The following SLCO1B1 variants were observed in gnomAD, a reference collection of about 807,000 sequenced individuals.
SLCO1B1 encodes solute carrier organic anion transporter family member 1B1, also known as OATP-2.
SLCO1B1 carries 81 observed loss-of-function variants against 70.1 expected under a neutral mutation model. The ratio of observed to expected loss-of-function variants is 1.16; its 90% CI spans 0.97 to 1.39. SLCO1B1 has a LOEUF of 1.39. Among genes scored for constraint, SLCO1B1 ranks in the 40% most tolerant of loss-of-function variants. SLCO1B1 has a pLI of 0.00. For synonymous variants in SLCO1B1, 283 were observed against 271.5 expected (o/e 1.04, Z -0.42); for missense variants, 895 against 799.6 (o/e 1.12, Z -1.44).
intron 2 of SLCO1B1, among the ~76,000 whole-genome samples, chr12:21,172,012 G>T (rs1268777760): frequency 1.3e-5 from 2 of 152,110 alleles, no homozygotes; most frequent in African/African-American, 4.8e-5. Context: ...TGAGGTAGGG[G>T]ATATAAAGAT....
chr12:21,178,352 A>G (rs1329858047), intron 5 of SLCO1B1, among the ~76,000 whole-genome samples: 1 of 152,016 alleles, frequency 6.6e-6, no homozygotes, highest in Non-Finnish European at 1.5e-5. Flanking sequence ...AGTCCATTAG[A>G]CCCTTTTCCT....
At chr12:21,152,236 A>G (rs151309524) in intron 2 of SLCO1B1, among the ~76,000 whole-genome samples, 1 of 151,866 alleles carries the variant, frequency 6.6e-6, no homozygotes, top group East Asian at 1.9e-4. Context: ...TTTTTAATGA[A>G]ATTTTTATCT....
chr12:21,218,560 A>G (rs1465701921), intron 12 of SLCO1B1, among the ~76,000 whole-genome samples: 1 of 152,186 alleles, frequency 6.6e-6, no homozygotes, highest in Non-Finnish European at 1.5e-5. Flanking sequence ...AATCTTATCA[A>G]ATTATTTATA....
intron 7 of SLCO1B1, among the ~76,000 whole-genome samples, chr12:21,187,799 G>A (rs1332394746): frequency 1.3e-5 from 2 of 152,122 alleles, no homozygotes; most frequent in East Asian, 3.8e-4. Context: ...AGAGATTATG[G>A]ATATGGAAGA....
intron 11 of SLCO1B1, among the ~76,000 whole-genome samples, chr12:21,208,915 G>A (rs1384399676): frequency 1.3e-5 from 2 of 151,714 alleles, no homozygotes; most frequent in Non-Finnish European, 2.9e-5. Flanking sequence ...ATTGATTTGG[G>A]TATCAGTTTA....
intron 14 of SLCO1B1, among the ~76,000 whole-genome samples, chr12:21,234,508 C>G (rs2121209592): frequency 6.6e-6 from 1 of 152,214 alleles, no homozygotes; most frequent in East Asian, 1.9e-4. Context: ...CTGTTACTGT[C>G]TTGGTTTTAA....
At chr12:21,223,381 C>A (rs899143916) in intron 13 of SLCO1B1, among the ~76,000 whole-genome samples, 3 of 152,044 alleles carry the variant, frequency 2.0e-5, no homozygotes, top group African/African-American at 7.2e-5. Context: ...CTGAAAAAGT[C>A]ATTTAGAAAA....
chr12:21,214,478 G>C (rs1941331721), intron 11 of SLCO1B1, among the ~76,000 whole-genome samples: 1 of 149,828 alleles, frequency 6.7e-6, no homozygotes, highest in South Asian at 2.1e-4. Context: ...TGTCAGACAG[G>C]GACATTTAAG....
chr12:21,229,138 C>A (rs949703887), intron 14 of SLCO1B1, among the ~76,000 whole-genome samples: 2 of 152,046 alleles, frequency 1.3e-5, no homozygotes, highest in Non-Finnish European at 2.9e-5. Flanking sequence ...ACAGAGATTT[C>A]CCACATACCA....
At chr12:21,141,815 A>C (rs1039699476) in intron 2 of SLCO1B1, among the ~76,000 whole-genome samples, 157 bp downstream of exon 2, 1 of 151,960 alleles carries the variant, frequency 6.6e-6, no homozygotes, top group East Asian at 1.9e-4. Context: ...CCTTGATTTA[A>C]ACCAGTCTTT....
chr12:21,215,081 C>T (rs58258204), intron 11 of SLCO1B1, among the ~76,000 whole-genome samples: 28,149 of 152,134 alleles, frequency 0.19, 2,959 homozygotes, highest in East Asian at 0.45. Context: ...GCCATCTTGG[C>T]TCCTCCAACC....
chr12:21,186,557 C>A (rs61005542), intron 7 of SLCO1B1, among the ~76,000 whole-genome samples: 9,351 of 151,940 alleles, frequency 0.062, 558 homozygotes, highest in East Asian at 0.33. Flanking sequence ...TGAGAAAAGT[C>A]ACGACATTAC....
At chr12:21,167,447 G>A (rs1178409127) in intron 2 of SLCO1B1, among the ~76,000 whole-genome samples, 1 of 152,106 alleles carries the variant, frequency 6.6e-6, no homozygotes, top group Admixed American at 6.5e-5. Flanking sequence ...TGAAAATGTT[G>A]TGGAACTCTT....
At chr12:21,145,146 C>G (rs576875338) in intron 2 of SLCO1B1, among the ~76,000 whole-genome samples, 1 of 152,140 alleles carries the variant, frequency 6.6e-6, no homozygotes, top group Admixed American at 6.5e-5. Context: ...AAGACCCAAC[C>G]GTTTTGTTGT....
At chr12:21,222,397 A>AATATATATATATATAT (rs751514211) in intron 13 of SLCO1B1, 33 bp downstream of exon 13, 27 of 97,722 alleles carry the variant, frequency 2.8e-4, no homozygotes, top group Non-Finnish European at 3.7e-4. Context: ...AAAAAAAAAA[A>AATATATATATATATAT]ATATATATAT....
chr12:21,225,821 T>C (rs1941476720), intron 14 of SLCO1B1, among the ~76,000 whole-genome samples: 1 of 152,174 alleles, frequency 6.6e-6, no homozygotes, highest in Non-Finnish European at 1.5e-5. Context: ...AGTACAGCCA[T>C]GGTAGAAGAC....
intron 1 of SLCO1B1, among the ~76,000 whole-genome samples, chr12:21,134,750 G>T (rs1940193116): frequency 6.6e-6 from 1 of 151,992 alleles, no homozygotes; most frequent in African/African-American, 2.4e-5. Flanking sequence ...CTTGCTAGTG[G>T]TCTATCAATT....
At position 21,172,755 on chromosome 12, in the gene SLCO1B1, T is replaced by C; in HGVS notation, c.190T>C (p.Ser64Pro). The C allele has an allele frequency of 6.2e-7, 1 of 1,613,548 alleles. No individual in the cohort carries two copies. Among genetic ancestry groups the C allele is most frequent in the Non-Finnish European group, 8.5e-7 (1 of 1,179,770 alleles). The change falls in exon 3 of 15, where the codon TCT (serine) becomes CCT (proline). Residue 64 changes from serine (S) to proline (P), a missense_variant. Ser to Pro is a moderately conservative substitution (Grantham distance 74). Coordinates refer to ENST00000256958, the MANE Select transcript of SLCO1B1 (RefSeq NM_006446.5). Reference protein sequence around the residue: ...HIERRFEISSSLVGFIDGSFE... With the variant: ...HIERRFEISSPLVGFIDGSFE... The stretch of plus-strand genomic sequence containing the variant: ...AGAACGGAGATTTGAGATATCCTCT[T>C]CTCTTGTTGGTTTTATTGACGGAAG...
intron 2 of SLCO1B1, among the ~76,000 whole-genome samples, chr12:21,158,787 A>G (rs1466907482): frequency 2.0e-5 from 3 of 152,184 alleles, no homozygotes; most frequent in Non-Finnish European, 4.4e-5. Flanking sequence ...TGCTCATACA[A>G]ATACACATTT....
Sources: gnomAD v4.1 joint callset for allele counts (sites outside exome capture counted in the v4.1 genomes callset) on GRCh38, gnomAD v4.1.1 for gene constraint, MANE v1.5 for transcripts, NCBI Gene and HGNC (gene_info 2026-07-23, HGNC 2026-07-21) for gene names.